COL4A1: variants seen among roughly 807,000 people sequenced by gnomAD.
The protein encoded by COL4A1 is collagen alpha-1(IV) chain.
A neutral mutation model predicts 216.6 loss-of-function variants in COL4A1; 40 were observed. That is an observed-to-expected ratio of 0.18 (90% CI 0.14 to 0.24). COL4A1 has a LOEUF of 0.24. COL4A1 is among the 10% of genes least tolerant of loss of function. The pLI, the probability that COL4A1 is intolerant of heterozygous loss-of-function variation, is 1.00. For synonymous variants in COL4A1, 839 were observed against 810.7 expected (o/e 1.03, Z -0.59); for missense variants, 1,628 against 2,196.8 (o/e 0.74, Z 5.18).
chr13:110,154,618 G>A (rs1463488047), intron 50 of COL4A1, among the ~76,000 whole-genome samples: 3 of 152,266 alleles, frequency 2.0e-5, no homozygotes, highest in Non-Finnish European at 1.5e-5. Context: ...ACATGGAGAA[G>A]CTGCTCATAT....
chr13:110,179,285 A>G lies in COL4A1; in HGVS notation c.2330T>C (p.Leu777Pro). 1 of 1,614,020 alleles carries G rather than the reference A, an allele frequency of 6.2e-7. No homozygotes were observed. The highest frequency in any genetic ancestry group is 8.5e-7 in the Non-Finnish European group (1 of 1,179,972). Residue 777 changes from leucine to proline, a missense_variant, in exon 30 of 52, where the codon CTT (leucine) becomes CCT (proline). By Grantham distance (98) the Leu-to-Pro change is moderately conservative. Around this residue, in one of 8 missense-constraint regions of COL4A1, gnomAD observed 701 missense variants for 892.5 expected, o/e 0.79. Transcript: ENST00000375820. Reference sequence around the variant, plus strand: ...CATGAAGTTACCTCTGATCCCCTGAAGCCCAGGGGGTCCGATCGCTCCATG... The same window carrying G: ...CATGAAGTTACCTCTGATCCCCTGAGGCCCAGGGGGTCCGATCGCTCCATG... ...GEHGAIGPPG[L>P]QGIRGEPGPP...
chr13:110,177,947 A>G lies in COL4A1; in HGVS notation c.2627-16T>C. 6.2e-7 allele frequency: 1 copy of G among 1,614,126 alleles called. No individual in the cohort carries two copies. The highest frequency in any genetic ancestry group is 8.5e-7 in the Non-Finnish European group (1 of 1,180,012). ...CCCTTGGAACCTGTGGCCAAAGGAA[A>G]GGACTGTGAACATTTTCTTGCTCTG... On this transcript the variant is annotated splice_polypyrimidine_tract_variant and intron_variant, in intron 32 of 51. Transcript: ENST00000375820.
intron 28 of COL4A1, among the ~76,000 whole-genome samples, chr13:110,182,477 T>G (rs1022500737): frequency 6.6e-6 from 1 of 152,124 alleles, no homozygotes; most frequent in African/African-American, 2.4e-5. Flanking sequence ...GATCAAGGTC[T>G]ACCTGAGGGA....
intron 2 of COL4A1, among the ~76,000 whole-genome samples, chr13:110,221,980 G>C (rs551252400): frequency 5.3e-5 from 8 of 152,124 alleles, no homozygotes; most frequent in Non-Finnish European, 4.4e-5. Context: ...CAGACAGTGC[G>C]TTCTCTGGAA....
At chr13:110,175,110 T>C (rs2139160905) in intron 37 of COL4A1, 108 bp downstream of exon 37, 2 of 1,395,298 alleles carry the variant, frequency 1.4e-6, no homozygotes, top group Non-Finnish European at 2.0e-6. Flanking sequence ...TGGGACTCCC[T>C]GTGTGTTATG....
In COL4A1 at chr13:110,169,497, A is replaced by AACACACACACACACAC. The variant is rs3832901; in HGVS notation, c.3876+116_3876+131dup. The AACACACACACACACAC allele has an allele frequency of 1.4e-4, 166 of 1,184,840 alleles. No homozygotes were observed. The African/African-American group carries it at 1.6e-3, about 11-fold the overall frequency. 73.4% of individuals were successfully genotyped at this position (1,184,840 alleles called of 1,614,324 possible). On this transcript the variant is annotated intron_variant, in intron 43 of 51. Coordinates refer to ENST00000375820, the MANE Select transcript of COL4A1 (RefSeq NM_001845.6). ...TGATTTAGTGGGGATGTGGGAGTGT[A>AACACACACACACACAC]ACACACACACACACACACACACACA...
intron 42 of COL4A1, among the ~76,000 whole-genome samples, chr13:110,170,059 G>C (rs1365569249): frequency 1.4e-5 from 2 of 142,836 alleles, no homozygotes; most frequent in Non-Finnish European, 3.1e-5. Context: ...GAGGAAGGAG[G>C]GGAGGGAGGA....
Position 110,235,626 on chromosome 13 carries a change from A to T in COL4A1, c.144+7049T>A, listed in dbSNP as rs374036054. Among the ~76,000 whole-genome samples, 14 of 148,346 alleles carry T rather than the reference A, an allele frequency of 9.4e-5. No individual in the cohort carries two copies. In the East Asian group the frequency reaches 1.4e-3, roughly 15 times the overall value. The stretch of plus-strand genomic sequence containing the variant: ...GTGAGCTGAGATGACGCCACTGCAC[A>T]CCAGCCTGGGCGACAGAGTAAGACT... On this transcript the variant is annotated intron_variant, in intron 2 of 51. Coordinates refer to ENST00000375820, the MANE Select transcript of COL4A1 (RefSeq NM_001845.6).
chr13:110,241,554 A>C (rs911987481), intron 2 of COL4A1, among the ~76,000 whole-genome samples: 1 of 152,220 alleles, frequency 6.6e-6, no homozygotes, highest in African/African-American at 2.4e-5. Flanking sequence ...GAGCATGCAC[A>C]CTGGAAATCG....
At position 110,207,286 on chromosome 13, in the gene COL4A1, T is replaced by C. The variant is rs2139199065; in HGVS notation, c.780+117A>G. ...GGACTGAACAGTCTATAAATCTGTTTTCCAGACCAGGATTGAATGTAGCTG... is the reference window on the plus strand; with the variant it reads ...GGACTGAACAGTCTATAAATCTGTTCTCCAGACCAGGATTGAATGTAGCTG... On this transcript the variant is annotated intron_variant, in intron 13 of 51. Coordinates refer to ENST00000375820, the MANE Select transcript of COL4A1 (RefSeq NM_001845.6). The surrounding 1 kb of genome is among the most constrained non-coding windows in gnomAD (Gnocchi z 4.4). The C allele has an allele frequency of 2.2e-6, 2 of 908,488 alleles. No homozygotes were observed. The highest frequency in any genetic ancestry group is 3.7e-5 in the Admixed American group (2 of 53,500). The allele number at this position is 908,488 out of a possible 1,614,324, so 56.3% of individuals were successfully genotyped here. A position where few individuals can be genotyped will look rare whatever the true frequency, so the allele number is the denominator to read the frequency against.
chr13:110,200,621 G>A (rs978171017), intron 20 of COL4A1, among the ~76,000 whole-genome samples: 2 of 152,166 alleles, frequency 1.3e-5, no homozygotes, highest in African/African-American at 4.8e-5. Context: ...TGGATCCCCA[G>A]GAGAGACATA....
At position 110,211,217 on chromosome 13, in the gene COL4A1, C is replaced by T. The variant is rs1196778870; in HGVS notation, c.468+430G>A. On this transcript the variant is annotated intron_variant, in intron 8 of 51. Coordinates refer to ENST00000375820, the MANE Select transcript of COL4A1 (RefSeq NM_001845.6). The surrounding 1 kb of genome is among the most constrained non-coding windows in gnomAD (Gnocchi z 4.3). ...GAGGTCCCCGCCCTGTGCCCAAGCA[C>T]AGCCGACACATTACATGACTGCACA... 6.6e-6 allele frequency among the ~76,000 whole-genome samples: 1 copy of T among 152,218 alleles called. No individual in the cohort carries two copies. Among genetic ancestry groups the T allele is most frequent in the Non-Finnish European group, 1.5e-5 (1 of 68,044 alleles).
Position 110,217,387 on chromosome 13 carries a change from C to A in COL4A1, c.145-3372G>T, listed in dbSNP as rs980123666. On this transcript the variant is annotated intron_variant, in intron 2 of 51. Coordinates refer to ENST00000375820, the MANE Select transcript of COL4A1 (RefSeq NM_001845.6). ...CTACTAACGTGACCACAGTGACCCC[C>A]CACTTCCACTGGAGCTCAAGGCAGA... 4.6e-5 allele frequency among the ~76,000 whole-genome samples: 7 copies of A among 152,188 alleles called. No individual in the cohort carries two copies. The East Asian group carries it at 1.3e-3, about 29-fold the overall frequency.
chr13:110,155,325 G>A lies in COL4A1; in HGVS notation c.4713C>T (p.Pro1571=). The part of the protein sequence containing the change: ...HSQTIQIPPC[P]SGWSSLWIGY... Reference sequence around the variant, plus strand: ...CGATCCACAGCGAGGACCACCCGCTGGGGCACGGTGGGATCTGAATGGTCT... The same window carrying A: ...CGATCCACAGCGAGGACCACCCGCTAGGGCACGGTGGGATCTGAATGGTCT... Residue 1571 remains proline (P), a synonymous_variant, in exon 50 of 52, where the codon CCC becomes CCT. Coordinates refer to ENST00000375820, the MANE Select transcript of COL4A1 (RefSeq NM_001845.6). The A allele has an allele frequency of 6.2e-7, 1 of 1,614,170 alleles. No homozygotes were observed. Among genetic ancestry groups the A allele is most frequent in the Non-Finnish European group, 8.5e-7 (1 of 1,179,982 alleles).
Position 110,187,148 on chromosome 13 carries a change from T to C in COL4A1, c.1718A>G (p.Lys573Arg). Residue 573 changes from lysine to arginine, a missense_variant, in exon 25 of 52, where the codon AAG (lysine) becomes AGG (arginine). Around this residue, in one of 8 missense-constraint regions of COL4A1, gnomAD observed 701 missense variants for 892.5 expected, o/e 0.79. Coordinates refer to ENST00000375820, the MANE Select transcript of COL4A1 (RefSeq NM_001845.6). Reference sequence around the variant, plus strand: ...TGGAGATAAACATACCGGCGAGCCCTTGGGGCCAGGAAGACCCGGATGGCC... The same window carrying C: ...TGGAGATAAACATACCGGCGAGCCCCTGGGGCCAGGAAGACCCGGATGGCC... ...RDGHPGLPGP[K>R]GSPGSVGLKG... 3 of 1,614,018 alleles carry C rather than the reference T, an allele frequency of 1.9e-6. No individual in the cohort carries two copies. Among genetic ancestry groups the C allele is most frequent in the Non-Finnish European group, 8.5e-7 (1 of 1,179,896 alleles).
rs1387308449 is a variant in COL4A1 at position 110,205,373 on chromosome 13, T to A, written c.937A>T (p.Ile313Leu). The A allele has an allele frequency of 2.5e-6, 4 of 1,613,980 alleles. 1 individual carries two copies. In the East Asian group the frequency reaches 8.9e-5, roughly 36 times the overall value. The change falls in exon 17 of 52, where the codon ATA becomes TTA. Residue 313 changes from isoleucine (I) to leucine (L), a missense_variant. By Grantham distance (5) the Ile-to-Leu change is conservative. Transcript: ENST00000375820. ...TTTACCTGCGGGCCCTGGCGGCCTATGAGTCCTGGGTACCCGGGTTCACCA... is the reference window on the plus strand; with the variant it reads ...TTTACCTGCGGGCCCTGGCGGCCTAAGAGTCCTGGGTACCCGGGTTCACCA... The part of the protein sequence containing the change: ...FPGEPGYPGL[I>L]GRQGPQGEKG...
chr13:110,175,587 C>T (rs1300648072), intron 36 of COL4A1, among the ~76,000 whole-genome samples: 1 of 152,204 alleles, frequency 6.6e-6, no homozygotes, highest in Non-Finnish European at 1.5e-5. Context: ...ATGTCTCTCC[C>T]GTCCTTTAAG....
chr13:110,169,935 G>C (rs1877534717), intron 42 of COL4A1, among the ~76,000 whole-genome samples, 173 bp from the exon 43 acceptor site: 1 of 150,466 alleles, frequency 6.6e-6, no homozygotes, highest in Non-Finnish European at 1.5e-5. Flanking sequence ...GAAGGAGGGA[G>C]GGAGGGAGGG....
At chr13:110,260,117 A>G (rs1303056148) in intron 1 of COL4A1, among the ~76,000 whole-genome samples, 2 of 152,182 alleles carry the variant, frequency 1.3e-5, no homozygotes, top group East Asian at 3.8e-4. Context: ...GCTAATAAAG[A>G]CATACCCAAG....
Sources: allele counts gnomAD v4.1 joint callset (sites outside exome capture counted in the v4.1 genomes callset), GRCh38; gene constraint gnomAD v4.1.1; regional missense constraint gnomAD v4.1.1; non-coding constraint Gnocchi (gnomAD v3.1); transcripts MANE v1.5; gene names NCBI Gene and HGNC (gene_info 2026-07-23, HGNC 2026-07-21).